Variants in ROR1 observed in about 807,000 individuals in gnomAD.
The protein encoded by ROR1 is inactive tyrosine-protein kinase transmembrane receptor ROR1.
In ROR1, 19 loss-of-function variants were observed where a neutral mutation model predicts 78.8. The observed-to-expected ratio is 0.24, with a 90% CI of 0.17 to 0.35. The LOEUF is 0.35. ROR1 is among the 10% of genes least tolerant of loss of function. The pLI is 1.00. For missense variants in ROR1, 917 were observed against 1,177.8 expected, an observed-to-expected ratio of 0.78 and a Z score of 3.24; for synonymous variants, 386 against 433.6, an observed-to-expected ratio of 0.89 and a Z score of 1.36.
chr1:64,063,392 A>G (rs1646932389), intron 4 of ROR1, among the ~76,000 whole-genome samples: 1 of 152,150 alleles, frequency 6.6e-6, no homozygotes. Flanking sequence ...TTTGTTTCTC[A>G]GTTGCCTTCA....
chr1:63,912,024 C>A (rs2100417768), intron 1 of ROR1, among the ~76,000 whole-genome samples: 1 of 151,870 alleles, frequency 6.6e-6, no homozygotes, highest in Non-Finnish European at 1.5e-5. Flanking sequence ...CAGTGGCTGC[C>A]ACCTGTAATC....
At chr1:63,836,567 A>C (rs1645019940) in intron 1 of ROR1, among the ~76,000 whole-genome samples, 1 of 152,216 alleles carries the variant, frequency 6.6e-6, no homozygotes, top group African/African-American at 2.4e-5. Flanking sequence ...TAAAGTCCAG[A>C]GGTTATAAAC....
chr1:63,960,295 G>A (rs1172993657), intron 1 of ROR1, among the ~76,000 whole-genome samples: 3 of 152,172 alleles, frequency 2.0e-5, no homozygotes, highest in East Asian at 1.9e-4. Context: ...TCCCACAGCC[G>A]TGTTGTGATG....
Position 63,787,313 on chromosome 1 carries a change from A to G in ROR1, c.91+12805A>G, listed in dbSNP as rs186090173. 2.9e-4 allele frequency among the ~76,000 whole-genome samples: 44 copies of G among 152,318 alleles called. No individual in the cohort carries two copies. In the East Asian group the frequency reaches 8.3e-3, roughly 29 times the overall value. ...ACACCTGCTTATGCTGATTTAGCCCAACACCTTTGCAATAATTGTCACTGT... is the reference window on the plus strand; with the variant it reads ...ACACCTGCTTATGCTGATTTAGCCCGACACCTTTGCAATAATTGTCACTGT... On this transcript the variant is annotated intron_variant, in intron 1 of 8. Transcript: ENST00000371079.
chr1:64,022,095 A>G (rs917968598), intron 2 of ROR1, among the ~76,000 whole-genome samples: 5 of 152,206 alleles, frequency 3.3e-5, no homozygotes, highest in African/African-American at 1.2e-4. Context: ...ACATGCCATA[A>G]CATGGATAAA....
In ROR1 at chr1:64,050,691, C is replaced by T. The variant is rs1646821615; in HGVS notation, c.457C>T (p.Pro153Ser). Reference sequence around the variant, plus strand: ...TTTTTCTTTCATTTCTTCAGGCCCCCCTCCCACTGCAAGTCCAGGATACTC... The same window carrying T: ...TTTTTCTTTCATTTCTTCAGGCCCCTCTCCCACTGCAAGTCCAGGATACTC... ...TGVLFVKFGP[P>S]PTASPGYSDE... The change falls in exon 4 of 9, where the codon CCT becomes TCT. Residue 153 changes from proline (P) to serine (S), a missense_variant. Around this residue, in one of 3 missense-constraint regions of ROR1, gnomAD observed 835 missense variants for 1,069.8 expected, o/e 0.78. Coordinates refer to ENST00000371079, the MANE Select transcript of ROR1 (RefSeq NM_005012.4). The T allele has an allele frequency of 1.9e-6, 3 of 1,613,540 alleles. No individual in the cohort carries two copies. The highest frequency in any genetic ancestry group is 1.1e-5 in the South Asian group (1 of 91,028).
chr1:63,827,170 T>G (rs563436550), intron 1 of ROR1, among the ~76,000 whole-genome samples: 1 of 152,312 alleles, frequency 6.6e-6, no homozygotes, highest in South Asian at 2.1e-4. Flanking sequence ...AAGTTTCTTA[T>G]AGATGCTGGA....
rs142876836 is a variant in ROR1 at position 63,776,423 on chromosome 1, T to C, written c.91+1915T>C. Among the ~76,000 whole-genome samples the C allele has an allele frequency of 3.2e-3, 488 of 152,292 alleles. 3 individuals are homozygous for C. The highest frequency in any genetic ancestry group is 0.01 in the African/African-American group (419 of 41,542). Reference sequence around the variant, plus strand: ...TCAGACACCCAGTGAGCAATTCCTGTCCCTTTTAAGGGCTCACAACTCTAA... The same window carrying C: ...TCAGACACCCAGTGAGCAATTCCTGCCCCTTTTAAGGGCTCACAACTCTAA... On this transcript the variant is annotated intron_variant, in intron 1 of 8. Coordinates refer to ENST00000371079, the MANE Select transcript of ROR1 (RefSeq NM_005012.4).
intron 1 of ROR1, chr1:63,843,199 G>A (rs927008811): frequency 2.1e-6 from 3 of 1,427,240 alleles, no homozygotes; most frequent in Non-Finnish European, 2.9e-6. Context: ...GCTCACAAAG[G>A]CTTGTCCTCT....
chr1:64,136,911 C>T (rs1454292379), intron 4 of ROR1, among the ~76,000 whole-genome samples: 1 of 152,114 alleles, frequency 6.6e-6, no homozygotes, highest in Non-Finnish European at 1.5e-5. Flanking sequence ...TTTCCAGCTG[C>T]ACCCAGCTTC....
At chr1:63,936,375 C>T (rs2100450880) in intron 1 of ROR1, among the ~76,000 whole-genome samples, 1 of 152,264 alleles carries the variant, frequency 6.6e-6, no homozygotes, top group Admixed American at 6.5e-5. Flanking sequence ...CCTCTTCTCC[C>T]ACAGAACAGT....
At chr1:63,988,289 G>A (rs941603368) in intron 1 of ROR1, among the ~76,000 whole-genome samples, 12 of 152,248 alleles carry the variant, frequency 7.9e-5, no homozygotes, top group East Asian at 1.9e-4. Context: ...TTTTACTTCC[G>A]TAATTGATGA....
intron 4 of ROR1, among the ~76,000 whole-genome samples, chr1:64,095,748 A>G (rs1343587300): frequency 6.6e-6 from 1 of 152,196 alleles, no homozygotes; most frequent in African/African-American, 2.4e-5. Context: ...CCTCTAGGTC[A>G]TGGTCTCCCA....
At chr1:63,958,430 C>T (rs6670846) in intron 1 of ROR1, among the ~76,000 whole-genome samples, 21,225 of 152,078 alleles carry the variant, frequency 0.14, 1,845 homozygotes, top group African/African-American at 0.24. Flanking sequence ...GTTAAATTTT[C>T]AATTCCCCAG....
intron 2 of ROR1, among the ~76,000 whole-genome samples, chr1:64,018,890 C>T (rs529571105): frequency 6.6e-6 from 1 of 152,130 alleles, no homozygotes; most frequent in African/African-American, 2.4e-5. Flanking sequence ...GACCCGGGTT[C>T]GTTGAATCAG....
chr1:64,008,991 A>T (rs1462397586), intron 1 of ROR1, among the ~76,000 whole-genome samples: 1 of 151,862 alleles, frequency 6.6e-6, no homozygotes, highest in Non-Finnish European at 1.5e-5. Context: ...TGTGGTTTTG[A>T]TTTGCATTTC....
Position 63,878,718 on chromosome 1 carries a change from A to G in ROR1, c.91+104210A>G, listed in dbSNP as rs532052438. 9.2e-5 allele frequency among the ~76,000 whole-genome samples: 14 copies of G among 152,180 alleles called. No homozygotes were observed. In the South Asian group the frequency reaches 2.9e-3, roughly 32 times the overall value. The stretch of plus-strand genomic sequence containing the variant: ...CTAAAGGTGGAGCCCTGTCTGCTCC[A>G]TCTGCTGCCCTGGTTACTCTCATCC... On this transcript the variant is annotated intron_variant, in intron 1 of 8. Coordinates refer to ENST00000371079, the MANE Select transcript of ROR1 (RefSeq NM_005012.4).
At chr1:63,845,463 T>C (rs527792512) in intron 1 of ROR1, among the ~76,000 whole-genome samples, 3 of 152,358 alleles carry the variant, frequency 2.0e-5, no homozygotes, top group African/African-American at 7.2e-5. Flanking sequence ...CTGTAGTCTG[T>C]CTTCCTTGGC....
At chr1:64,117,731 C>A (rs1451649075) in intron 4 of ROR1, among the ~76,000 whole-genome samples, 1 of 152,178 alleles carries the variant, frequency 6.6e-6, no homozygotes, top group Non-Finnish European at 1.5e-5. Context: ...CCAACATCAC[C>A]CTATCAGGCT....
Sources: allele counts gnomAD v4.1 joint callset (sites outside exome capture counted in the v4.1 genomes callset), GRCh38; gene constraint gnomAD v4.1.1; regional missense constraint gnomAD v4.1.1; transcripts MANE v1.5; gene names NCBI Gene and HGNC (gene_info 2026-07-23, HGNC 2026-07-21).